Variants in WDFY3 observed in about 807,000 individuals in gnomAD.
WDFY3 encodes the protein WD repeat and FYVE domain containing 3, also known as WD repeat and FYVE domain-containing protein 3.
Under a neutral mutation model 409.6 loss-of-function variants are expected in WDFY3, and 66 were observed. The ratio of observed to expected loss-of-function variants is 0.16; its 90% CI spans 0.13 to 0.20. The LOEUF (loss-of-function observed/expected upper bound fraction) is 0.20, where lower values mean the gene tolerates loss of function less well. WDFY3 is among the 10% of genes least tolerant of loss of function. WDFY3 has a pLI of 1.00. For synonymous variants in WDFY3, 1,521 were observed against 1,537.1 expected (o/e 0.99, Z 0.25); for missense variants, 3,031 against 4,298.1 (o/e 0.71, Z 8.24).
At chr4:84,683,225 C>T (rs1727702007) in intron 63 of WDFY3, among the ~76,000 whole-genome samples, 1 of 152,086 alleles carries the variant, frequency 6.6e-6, no homozygotes, top group African/African-American at 2.4e-5. Context: ...TGTGTGTGCA[C>T]AGATGTGTAC....
In WDFY3 at chr4:84,799,993, C is replaced by CTG. The variant is rs202100700; in HGVS notation, c.2822+1655_2822+1656dup. On this transcript the variant is annotated intron_variant, in intron 17 of 67. Transcript: ENST00000295888. ...TATGGGACAATGTCTCTCTCTCTCT[C>CTG]TGTGTGTTTCTCTACTTTTAAAGTA... Among the ~76,000 whole-genome samples, 423 of 152,224 alleles carry CTG rather than the reference C, an allele frequency of 2.8e-3. 2 individuals are homozygous for CTG. The highest frequency in any genetic ancestry group is 9.9e-3 in the African/African-American group (411 of 41,530).
intron 3 of WDFY3, among the ~76,000 whole-genome samples, chr4:84,867,899 A>G (rs1273471264): frequency 2.0e-5 from 3 of 152,098 alleles, no homozygotes; most frequent in South Asian, 4.1e-4. Context: ...TGCCGGGCGC[A>G]GTGGCTCACG....
intron 5 of WDFY3, among the ~76,000 whole-genome samples, chr4:84,843,868 G>C (rs980966387): frequency 1.3e-5 from 2 of 152,126 alleles, no homozygotes; most frequent in Non-Finnish European, 2.9e-5. Context: ...CTACTAGTCA[G>C]AAACATACTG....
At chr4:84,964,057 T>C (rs905631035) in intron 1 of WDFY3, among the ~76,000 whole-genome samples, 3 of 152,224 alleles carry the variant, frequency 2.0e-5, no homozygotes, top group African/African-American at 4.8e-5. Flanking sequence ...TACAGACCCA[T>C]ATCCTTTTGA....
At position 84,839,714 on chromosome 4, in the gene WDFY3, T is replaced by C. The variant is rs368677787; in HGVS notation, c.414+1440A>G. Among the ~76,000 whole-genome samples, 19 of 151,526 alleles carry C rather than the reference T, an allele frequency of 1.3e-4. No individual in the cohort carries two copies. The East Asian group carries it at 3.7e-3, about 30-fold the overall frequency. On this transcript the variant is annotated intron_variant, in intron 6 of 67. Coordinates refer to ENST00000295888, the MANE Select transcript of WDFY3 (RefSeq NM_014991.6). ...CTCTACCAAAAATACAAAAATTAGCTGGGTGTGGTGGCGCGCGCCTGTAAT... is the reference window on the plus strand; with the variant it reads ...CTCTACCAAAAATACAAAAATTAGCCGGGTGTGGTGGCGCGCGCCTGTAAT...
intron 2 of WDFY3, among the ~76,000 whole-genome samples, chr4:84,907,143 G>A: frequency 6.6e-6 from 1 of 152,004 alleles, no homozygotes. Context: ...AGGTCCAAGG[G>A]AGAATAATAA....
intron 21 of WDFY3, 74 bp from the exon 22 acceptor site, chr4:84,789,981 G>T: frequency 6.8e-7 from 1 of 1,463,890 alleles, no homozygotes; most frequent in Non-Finnish European, 9.4e-7. Context: ...ATCTAGATCA[G>T]CATGTTTTGA....
chr4:84,713,125 T>C (rs1733229096), intron 51 of WDFY3, 34 bp downstream of exon 51: 2 of 1,602,860 alleles, frequency 1.2e-6, no homozygotes, highest in Admixed American at 1.7e-5. Context: ...AACTTCACTA[T>C]TAAACTGTAA....
At chr4:84,811,994 C>T (rs1338198631) in intron 13 of WDFY3, among the ~76,000 whole-genome samples, 5 of 152,074 alleles carry the variant, frequency 3.3e-5, no homozygotes, top group Non-Finnish European at 5.9e-5. Flanking sequence ...TGGAATTTTC[C>T]ACTTGTCAGC....
Position 84,794,674 on chromosome 4 carries a change from A to C in WDFY3, c.3332T>G (p.Phe1111Cys). ...SYSSWFCIEH[F>C]SSPPNNHPVR... ...AGGGTGGTTATTTGGAGGAGAACTA[A>C]AATGTTCAATACAAAACCAGCTAGA... The change falls in exon 21 of 68, where the codon TTT (phenylalanine) becomes TGT (cysteine). Residue 1111 changes from phenylalanine to cysteine, a missense_variant. Phe to Cys is a radical substitution (Grantham distance 205). This residue lies in a region of WDFY3 where 1,322 missense variants were observed against 1,697.9 expected (regional missense o/e 0.78). Coordinates refer to ENST00000295888, the MANE Select transcript of WDFY3 (RefSeq NM_014991.6). 6.2e-7 allele frequency: 1 copy of C among 1,614,082 alleles called. No homozygotes were observed. Among genetic ancestry groups the C allele is most frequent in the Non-Finnish European group, 8.5e-7 (1 of 1,180,012 alleles).
rs35076143 is a variant in WDFY3 at position 84,718,057 on chromosome 4, C to CA, written c.7754+364dup. Among the ~76,000 whole-genome samples, 265 of 61,358 alleles carry CA rather than the reference C, an allele frequency of 4.3e-3. 16 individuals are homozygous for CA. Among genetic ancestry groups the CA allele is most frequent in the African/African-American group, 7.2e-3 (113 of 15,598 alleles). 40.3% of individuals were successfully genotyped at this position (61,358 alleles called of 152,430 possible). Reference sequence around the variant, plus strand: ...GGGGTGACAGAGTGAGACACTGTCTCAAAAAAAAAAAAAAAAAAAAAAAAA... The same window carrying CA: ...GGGGTGACAGAGTGAGACACTGTCTCAAAAAAAAAAAAAAAAAAAAAAAAAA... On this transcript the variant is annotated intron_variant, in intron 48 of 67. Transcript: ENST00000295888.
intron 1 of WDFY3, among the ~76,000 whole-genome samples, chr4:84,954,284 A>C (rs1218326249): frequency 6.6e-6 from 1 of 152,198 alleles, no homozygotes; most frequent in Non-Finnish European, 1.5e-5. Flanking sequence ...AAATCAAGCT[A>C]AATAAAATTA....
intron 4 of WDFY3, among the ~76,000 whole-genome samples, chr4:84,855,953 T>C (rs968315318): frequency 1.3e-5 from 2 of 152,322 alleles, no homozygotes; most frequent in Non-Finnish European, 2.9e-5. Flanking sequence ...GCTCTGGCTG[T>C]GGCTTGCCAC....
chr4:84,698,987 C>T (rs1730617332), intron 56 of WDFY3, among the ~76,000 whole-genome samples: 1 of 152,162 alleles, frequency 6.6e-6, no homozygotes, highest in South Asian at 2.1e-4. Flanking sequence ...TGCGACCAGC[C>T]CCAAGTGTGT....
In WDFY3 at chr4:84,798,615, T is replaced by C. The variant is rs951874560; in HGVS notation, c.2823-507A>G. Among the ~76,000 whole-genome samples the C allele has an allele frequency of 2.0e-5, 3 of 152,198 alleles. No homozygotes were observed. In the South Asian group the frequency reaches 6.2e-4, roughly 31 times the overall value. ...TCTTATGTTCTGCATCTCACTGAAA[T>C]GTGTTTTTGTTCCTTCTTTAACTTT... On this transcript the variant is annotated intron_variant, in intron 17 of 67. Coordinates refer to ENST00000295888, the MANE Select transcript of WDFY3 (RefSeq NM_014991.6).
At chr4:84,786,389 G>A (rs1162937547) in intron 23 of WDFY3, among the ~76,000 whole-genome samples, 1 of 152,080 alleles carries the variant, frequency 6.6e-6, no homozygotes, top group East Asian at 1.9e-4. Context: ...ATAGCACAAC[G>A]TAAAGGATGA....
chr4:84,764,844 G>A (rs1743344032), intron 32 of WDFY3, among the ~76,000 whole-genome samples: 1 of 147,216 alleles, frequency 6.8e-6, no homozygotes. Context: ...CAGCCTGGGC[G>A]ACAGAGCTAG....
At chr4:84,724,378 A>G (rs747936899) in intron 46 of WDFY3, 48 bp downstream of exon 46, 11 of 1,557,184 alleles carry the variant, frequency 7.1e-6, no homozygotes, top group South Asian at 3.6e-5. Flanking sequence ...TTCAAATACA[A>G]GAATGTTCCA....
chr4:84,715,510 C>G, intron 49 of WDFY3, 127 bp from the exon 50 acceptor site: 1 of 540,744 alleles, frequency 1.8e-6, no homozygotes, highest in Non-Finnish European at 3.2e-6. Context: ...CGCGGTGGCT[C>G]ATGCCTGTAA....
Sources: gnomAD v4.1 joint callset for allele counts (sites outside exome capture counted in the v4.1 genomes callset) on GRCh38, gnomAD v4.1.1 for gene constraint, gnomAD v4.1.1 regional missense constraint, MANE v1.5 for transcripts, NCBI Gene and HGNC (gene_info 2026-07-23, HGNC 2026-07-21) for gene names.